EHBP1: variants seen among roughly 807,000 people sequenced by gnomAD.
The protein encoded by EHBP1 is EH domain-binding protein 1.
Under a neutral mutation model 144.0 loss-of-function variants are expected in EHBP1, and 55 were observed. The ratio of observed to expected loss-of-function variants is 0.38; its 90% CI spans 0.31 to 0.48. The LOEUF (loss-of-function observed/expected upper bound fraction) is 0.48, where lower values mean the gene tolerates loss of function less well. Among genes scored for constraint, EHBP1 ranks in the 20% least tolerant of loss-of-function variants. The pLI is 0.98. For missense variants in EHBP1, 1,200 were observed against 1,364.2 expected, an observed-to-expected ratio of 0.88 and a Z score of 1.90; for synonymous variants, 469 against 472.7, an observed-to-expected ratio of 0.99 and a Z score of 0.10.
intron 5 of EHBP1, among the ~76,000 whole-genome samples, chr2:62,804,334 T>A (rs1558698498): frequency 6.6e-6 from 1 of 152,182 alleles, no homozygotes; most frequent in African/African-American, 2.4e-5. Flanking sequence ...TATAAAAGAT[T>A]CCTGCACTTC....
At chr2:62,852,989 C>G (rs1361991165) in intron 7 of EHBP1, among the ~76,000 whole-genome samples, 1 of 152,100 alleles carries the variant, frequency 6.6e-6, no homozygotes, top group Admixed American at 6.6e-5. Context: ...CGTTTACTTT[C>G]TGTTTTCTAT....
rs1157397512 is a variant in EHBP1 at position 62,957,641 on chromosome 2, C to CTTTTTTTTTTTTTTTTTTTTTTTT, written c.2460+2003_2460+2004insTTTTTTTTTTTTTTTTTTTTTTTT. 3.4e-5 allele frequency among the ~76,000 whole-genome samples: 3 copies of CTTTTTTTTTTTTTTTTTTTTTTTT among 87,172 alleles called. 1 individual carries two copies. The highest frequency in any genetic ancestry group is 1.5e-4 in the African/African-American group (3 of 19,486). 57.2% of individuals were successfully genotyped at this position (87,172 alleles called of 152,430 possible). A position where few individuals can be genotyped will look rare whatever the true frequency, so the allele number is the denominator to read the frequency against. On this transcript the variant is annotated intron_variant, in intron 14 of 22. Coordinates refer to ENST00000431489, the MANE Select transcript of EHBP1 (RefSeq NM_001142616.3). ...TAAAATTAATATTTGAAAATAAATG[C>CTTTTTTTTTTTTTTTTTTTTTTTT]TTTTTTTTTTTTTTTTTTTTTTGAG...
chr2:62,753,578 T>A (rs945322043), intron 3 of EHBP1, among the ~76,000 whole-genome samples: 61 of 152,182 alleles, frequency 4.0e-4, no homozygotes, highest in Admixed American at 1.4e-3. Context: ...GTTCTCCTGG[T>A]TAATATCCTG....
intron 10 of EHBP1, among the ~76,000 whole-genome samples, chr2:62,938,882 C>T (rs2056563491): frequency 6.6e-6 from 1 of 151,960 alleles, no homozygotes; most frequent in South Asian, 2.1e-4. Context: ...TTTGAAATTT[C>T]TAGAAGAGCC....
chr2:62,816,121 A>G (rs373524488), intron 5 of EHBP1, among the ~76,000 whole-genome samples: 13 of 152,192 alleles, frequency 8.5e-5, no homozygotes, highest in Admixed American at 2.6e-4. Flanking sequence ...TTCCAGCTAC[A>G]TATCTGTGTG....
intron 10 of EHBP1, among the ~76,000 whole-genome samples, chr2:62,908,289 G>A (rs1026558568): frequency 2.0e-5 from 3 of 152,090 alleles, no homozygotes; most frequent in African/African-American, 7.2e-5. Context: ...AGAATCTGTA[G>A]TGATATTACC....
chr2:62,777,404 T>C (rs1402118892), intron 5 of EHBP1, among the ~76,000 whole-genome samples: 1 of 152,218 alleles, frequency 6.6e-6, no homozygotes, highest in Non-Finnish European at 1.5e-5. Context: ...CATTCTGCAA[T>C]ATTTTAATAT....
intron 19 of EHBP1, among the ~76,000 whole-genome samples, chr2:63,024,390 G>A (rs1173835110): frequency 3.9e-5 from 6 of 151,916 alleles, no homozygotes; most frequent in South Asian, 2.1e-4. Context: ...GATTACTTGC[G>A]CCTAGGTGTT....
At chr2:62,910,151 G>T (rs532181083) in intron 10 of EHBP1, among the ~76,000 whole-genome samples, 2 of 152,298 alleles carry the variant, frequency 1.3e-5, no homozygotes, top group South Asian at 4.1e-4. Context: ...GAAAGTGACT[G>T]CTTGTTTATT....
upstream of EHBP1, among the ~76,000 whole-genome samples, chr2:62,701,984 A>G (rs1306474402): frequency 6.6e-6 from 1 of 152,230 alleles, no homozygotes; most frequent in East Asian, 1.9e-4. Context: ...TACCTCTGAC[A>G]ATTTTTACTG....
At position 62,957,641 on chromosome 2, in the gene EHBP1, C is replaced by CTTTTTTTTTTTTTTTTTTTTTTTTTTTTT. The variant is rs1157397512; in HGVS notation, c.2460+2003_2460+2004insTTTTTTTTTTTTTTTTTTTTTTTTTTTTT. On this transcript the variant is annotated intron_variant, in intron 14 of 22. Transcript: ENST00000431489. ...TAAAATTAATATTTGAAAATAAATG[C>CTTTTTTTTTTTTTTTTTTTTTTTTTTTTT]TTTTTTTTTTTTTTTTTTTTTTGAG... Among the ~76,000 whole-genome samples, 3 of 87,174 alleles carry CTTTTTTTTTTTTTTTTTTTTTTTTTTTTT rather than the reference C, an allele frequency of 3.4e-5. 1 individual carries two copies. The highest frequency in any genetic ancestry group is 1.5e-4 in the African/African-American group (3 of 19,488). 57.2% of individuals were successfully genotyped at this position (87,174 alleles called of 152,430 possible). A position where few individuals can be genotyped will look rare whatever the true frequency, so the allele number is the denominator to read the frequency against.
intron 5 of EHBP1, among the ~76,000 whole-genome samples, chr2:62,824,953 T>G (rs982251741): frequency 2.0e-5 from 3 of 151,992 alleles, no homozygotes; most frequent in Admixed American, 6.6e-5. Flanking sequence ...TTGAATAATT[T>G]TATGGAAAAT....
chr2:62,838,385 G>A (rs1336507057), intron 7 of EHBP1, among the ~76,000 whole-genome samples: 1 of 150,956 alleles, frequency 6.6e-6, no homozygotes, highest in Non-Finnish European at 1.5e-5. Context: ...ACAAGAGAAA[G>A]CAGGAAAGAT....
intron 5 of EHBP1, among the ~76,000 whole-genome samples, chr2:62,824,433 G>T (rs2046200279): frequency 6.6e-6 from 1 of 151,912 alleles, no homozygotes; most frequent in African/African-American, 2.4e-5. Flanking sequence ...GTAATAAATT[G>T]ATACTCTCTG....
intron 5 of EHBP1, among the ~76,000 whole-genome samples, chr2:62,808,407 C>T (rs1017208656): frequency 3.9e-5 from 6 of 151,924 alleles, no homozygotes; most frequent in African/African-American, 1.5e-4. Flanking sequence ...GTCTAGACTA[C>T]TAATAAGCCC....
At chr2:62,984,051 G>T (rs2153212687) in intron 15 of EHBP1, among the ~76,000 whole-genome samples, 1 of 151,378 alleles carries the variant, frequency 6.6e-6, no homozygotes, top group Non-Finnish European at 1.5e-5. Context: ...TCTGTATTGT[G>T]TTTCCCATCT....
intron 2 of EHBP1, among the ~76,000 whole-genome samples, chr2:62,717,285 C>T (rs2035776318): frequency 1.3e-5 from 2 of 152,178 alleles, no homozygotes; most frequent in South Asian, 4.2e-4. Context: ...TTAAAATGCC[C>T]AGGGAACTTA....
At chr2:62,801,097 A>G (rs2043946530) in intron 5 of EHBP1, among the ~76,000 whole-genome samples, 1 of 152,162 alleles carries the variant, frequency 6.6e-6, no homozygotes, top group Non-Finnish European at 1.5e-5. Flanking sequence ...CTAATTCACA[A>G]TTTTTTGATG....
At chr2:63,037,348 C>T (rs999125116) in intron 19 of EHBP1, among the ~76,000 whole-genome samples, 187 bp from the exon 20 acceptor site, 2 of 151,696 alleles carry the variant, frequency 1.3e-5, no homozygotes, top group Non-Finnish European at 2.9e-5. Flanking sequence ...ATATGCATGC[C>T]GAATAATACC....
Sources: gnomAD v4.1 joint callset for allele counts (sites outside exome capture counted in the v4.1 genomes callset) on GRCh38, gnomAD v4.1.1 for gene constraint, MANE v1.5 for transcripts, NCBI Gene and HGNC (gene_info 2026-07-23, HGNC 2026-07-21) for gene names.